Variants in ZNF418 observed in about 807,000 individuals in gnomAD.
ZNF418 encodes zinc finger protein 418.
A neutral mutation model predicts 32.0 loss-of-function variants in ZNF418; 32 were observed. The ratio of observed to expected loss-of-function variants is 1.00; its 90% CI spans 0.75 to 1.34. The LOEUF is 1.34. Ranked by LOEUF, ZNF418 falls within the 40% of genes most tolerant of loss-of-function variation. The probability of loss-of-function intolerance (pLI) is 0.00; values close to 1 mark genes in which losing one functional copy is unlikely to be tolerated. For synonymous variants in ZNF418, 276 were observed against 270.7 expected (o/e 1.02, Z -0.19); for missense variants, 804 against 812.5 (o/e 0.99, Z 0.13).
chr19:57,935,122 T>G, intron 1 of ZNF418, 39 bp downstream of exon 1: 1 of 1,295,828 alleles, frequency 7.7e-7, no homozygotes, highest in Non-Finnish European at 9.9e-7. Context: ...GGATTCGGGT[T>G]AGGATGAGGT....
chr19:57,934,880 A>T, intron 1 of ZNF418: 1 of 503,552 alleles, frequency 2.0e-6, no homozygotes, highest in Non-Finnish European at 3.1e-6. Flanking sequence ...CTGCTCTTCC[A>T]GGAGAAGCTT....
At chr19:57,925,493 T>C (rs1227139336) in intron 4 of ZNF418, 130 bp downstream of exon 4, 1 of 150,760 alleles carries the variant, frequency 6.6e-6, no homozygotes, top group African/African-American at 2.4e-5. Flanking sequence ...ATGAGACCCA[T>C]AAGGTCCCTG....
rs943503624 is a variant in ZNF418, at chr19:57,935,188, C to T, written c.-108G>A. 1.5e-6 allele frequency: 2 copies of T among 1,302,808 alleles called. No individual in the cohort carries two copies. Among genetic ancestry groups the T allele is most frequent in the Non-Finnish European group, 2.0e-6 (2 of 1,006,050 alleles). The allele number at this position is 1,302,808 out of a possible 1,614,324, so 80.7% of individuals were successfully genotyped here. ...GAGCCGGGAGCCTCAGCGCGGCCGC[C>T]GCCATCCCGAGTACGCGGGGAAAGC... is the stretch of plus-strand genomic sequence containing the variant. On this transcript the variant is annotated 5_prime_UTR_variant, in exon 1 of 6. Coordinates refer to ENST00000396147, the MANE Select transcript of ZNF418 (RefSeq NM_133460.3).
At chr19:57,930,201 C>G (rs564045851) in intron 3 of ZNF418, among the ~76,000 whole-genome samples, 1 of 152,308 alleles carries the variant, frequency 6.6e-6, no homozygotes, top group South Asian at 2.1e-4. Flanking sequence ...AGACACCTGA[C>G]TCTAACTCCT....
At position 57,922,307 on chromosome 19, in the gene ZNF418, A is replaced by G. The variant is rs1037619309; in HGVS notation, c.*948T>C. The G allele has an allele frequency of 2.1e-5, 7 of 328,718 alleles. No homozygotes were observed. The highest frequency in any genetic ancestry group is 1.1e-5 in the Non-Finnish European group (2 of 182,132). 20.4% of individuals were successfully genotyped at this position (328,718 alleles called of 1,614,324 possible). ...ATTAACCTCTTTGTTAGTTTCATCA[A>G]TCGAGAAGAGAGGGGAGGGTATGCA... On this transcript the variant is annotated 3_prime_UTR_variant, in exon 6 of 6. Transcript: ENST00000396147.
intron 2 of ZNF418, 96 bp downstream of exon 2, chr19:57,933,721 A>C: frequency 1.9e-6 from 2 of 1,046,070 alleles, no homozygotes; most frequent in Non-Finnish European, 2.7e-6. Context: ...ACTCCCGCTC[A>C]AAAAAAAAAG....
intron 3 of ZNF418, among the ~76,000 whole-genome samples, chr19:57,930,126 A>C (rs2072421835): frequency 6.6e-6 from 1 of 152,234 alleles, no homozygotes. Context: ...CAGGAGTCTC[A>C]GATCTGGACA....
chr19:57,926,323 C>T lies in ZNF418; in HGVS notation c.1858G>A (p.Glu620Lys), dbSNP rs763614043. The T allele has an allele frequency of 6.8e-6, 11 of 1,611,530 alleles. No individual in the cohort carries two copies. The highest frequency in any genetic ancestry group is 5.0e-5 in the Admixed American group (3 of 59,786). ...QRLHTRGKPY[E>K]CSECGKSFAE... ...AAGGATTTCCCACATTCGCTGCACT[C>T]GTAAGGCTTTCCTCGAGTATGAAGT... Residue 620 changes from glutamate to lysine, a missense_variant, in exon 4 of 6, where the codon GAG (glutamate) becomes AAG (lysine). Transcript: ENST00000396147.
intron 2 of ZNF418, chr19:57,932,602 C>A: frequency 6.7e-7 from 1 of 1,492,084 alleles, no homozygotes; most frequent in South Asian, 1.3e-5. Context: ...TTCCTCTGTC[C>A]ACCTAGAGTC....
chr19:57,933,767 T>C (rs751325903), intron 2 of ZNF418, 50 bp downstream of exon 2: 10 of 1,610,174 alleles, frequency 6.2e-6, no homozygotes, highest in Non-Finnish European at 8.5e-6. Context: ...CTGTGAATCT[T>C]GAATCCAGCC....
intron 4 of ZNF418, among the ~76,000 whole-genome samples, chr19:57,923,687 G>A (rs1286072544): frequency 6.6e-6 from 1 of 151,842 alleles, no homozygotes; most frequent in Non-Finnish European, 1.5e-5. Context: ...CCATTCTCCT[G>A]CCTCAGCCTC....
intron 1 of ZNF418, 63 bp from the exon 2 acceptor site, chr19:57,933,965 T>C (rs1238256145): frequency 1.3e-6 from 2 of 1,592,312 alleles, no homozygotes; most frequent in Non-Finnish European, 1.7e-6. Context: ...CCCCACCGAA[T>C]TTTTACCTCT....
rs192376760 is a variant in ZNF418 at position 57,928,461 on chromosome 19, G to A, written c.134-414C>T. Among the ~76,000 whole-genome samples the A allele has an allele frequency of 4.4e-4, 67 of 152,108 alleles. No homozygotes were observed. The East Asian group carries it at 5.7e-3, about 13-fold the overall frequency. On this transcript the variant is annotated intron_variant, in intron 3 of 5. Coordinates refer to ENST00000396147, the MANE Select transcript of ZNF418 (RefSeq NM_133460.3). ...CTACTTTTTGTAGAGGTGGGGTTTC[G>A]CCTTGTTGCCCAGGCTGGTCTCAAA...
At chr19:57,931,011 G>T (rs896379295) in intron 2 of ZNF418, among the ~76,000 whole-genome samples, 1 of 151,562 alleles carries the variant, frequency 6.6e-6, no homozygotes, top group East Asian at 2.0e-4. Flanking sequence ...TCCTGACCTC[G>T]TGATCCACCC....
chr19:57,933,917 G>A lies in ZNF418; in HGVS notation c.-80-15C>T, dbSNP rs979939202. On this transcript the variant is annotated splice_polypyrimidine_tract_variant and intron_variant, in intron 1 of 5. Coordinates refer to ENST00000396147, the MANE Select transcript of ZNF418 (RefSeq NM_133460.3). Reference sequence around the variant, plus strand: ...CCAGATGATGCCTGCAGACAAATGGGACTGTGGTAACATCACCTCCTCGCC... The same window carrying A: ...CCAGATGATGCCTGCAGACAAATGGAACTGTGGTAACATCACCTCCTCGCC... 106 of 1,611,922 alleles carry A rather than the reference G, an allele frequency of 6.6e-5. 1 individual carries two copies. The highest frequency in any genetic ancestry group is 8.5e-5 in the Non-Finnish European group (100 of 1,179,872).
chr19:57,930,632 C>A (rs571745501), intron 2 of ZNF418, 78 bp from the exon 3 acceptor site: 1 of 1,586,018 alleles, frequency 6.3e-7, no homozygotes, highest in African/African-American at 1.3e-5. Context: ...CACACCCCCA[C>A]CCCCTTGCCC....
At chr19:57,925,457 T>C (rs1035097077) in intron 4 of ZNF418, among the ~76,000 whole-genome samples, 166 bp downstream of exon 4, 14 of 132,492 alleles carry the variant, frequency 1.1e-4, no homozygotes, top group Non-Finnish European at 3.4e-5. Context: ...CGAGACTCTG[T>C]CTCAAAAAAA....
Position 57,930,489 on chromosome 19 carries a change from C to T in ZNF418, c.72G>A (p.Glu24=), listed in dbSNP as rs994501042. The stretch of plus-strand genomic sequence containing the variant: ...CGTCATGGTAAAGGCATCTCTGAAC[C>T]TCACTAAGGAGACTCCACTCCTCCT... The part of the protein sequence containing the change: ...FSQEEWSLLS[E]VQRCLYHDVM... Residue 24 remains glutamate (E), a synonymous_variant, in exon 3 of 6, where the codon GAG becomes GAA. Transcript: ENST00000396147. The T allele has an allele frequency of 6.2e-7, 1 of 1,614,120 alleles. No homozygotes were observed. Among genetic ancestry groups the T allele is most frequent in the African/African-American group, 1.3e-5 (1 of 75,028 alleles).
chr19:57,930,772 C>T (rs896420533), intron 2 of ZNF418, among the ~76,000 whole-genome samples: 2 of 152,080 alleles, frequency 1.3e-5, no homozygotes, highest in Non-Finnish European at 2.9e-5. Flanking sequence ...GGGATCTATG[C>T]TGTGCTTGTT....
Sources: gnomAD v4.1 joint callset for allele counts (sites outside exome capture counted in the v4.1 genomes callset) on GRCh38, gnomAD v4.1.1 for gene constraint, MANE v1.5 for transcripts, NCBI Gene and HGNC (gene_info 2026-07-23, HGNC 2026-07-21) for gene names.